The following ANKFN1 variants were observed in gnomAD, a reference collection of about 807,000 sequenced individuals.
The protein encoded by ANKFN1 is ankyrin repeat and fibronectin type-III domain-containing protein 1.
Under a neutral mutation model 108.7 loss-of-function variants are expected in ANKFN1, and 74 were observed. The observed-to-expected ratio is 0.68, with a 90% CI of 0.56 to 0.83. The LOEUF (loss-of-function observed/expected upper bound fraction) is 0.83, where lower values mean the gene tolerates loss of function less well. ANKFN1 is among the 40% of genes least tolerant of loss of function. ANKFN1 has a pLI of 0.00. For missense variants in ANKFN1, 1,505 were observed against 1,382.3 expected (o/e 1.09, Z -1.41); for synonymous variants, 547 against 516.2 (o/e 1.06, Z -0.81).
intron 1 of ANKFN1, among the ~76,000 whole-genome samples, chr17:56,207,586 T>C (rs997868798): frequency 4.6e-5 from 7 of 152,212 alleles, no homozygotes; most frequent in African/African-American, 1.7e-4. Flanking sequence ...TCATTCCTAT[T>C]GCAGTGGCAA....
intron 8 of ANKFN1, among the ~76,000 whole-genome samples, chr17:56,384,703 T>G (rs1598498457): frequency 6.6e-6 from 1 of 152,202 alleles, no homozygotes; most frequent in South Asian, 2.1e-4. Flanking sequence ...AAATCATGAG[T>G]GAACTCCCAT....
At chr17:56,384,068 A>G (rs1457152832) in intron 8 of ANKFN1, among the ~76,000 whole-genome samples, 6 of 152,062 alleles carry the variant, frequency 3.9e-5, no homozygotes, top group African/African-American at 1.4e-4. Flanking sequence ...ACATTGATGC[A>G]AAAATCCTCA....
At chr17:56,293,294 A>G (rs1044962475) in intron 3 of ANKFN1, among the ~76,000 whole-genome samples, 1 of 152,182 alleles carries the variant, frequency 6.6e-6, no homozygotes, top group African/African-American at 2.4e-5. Context: ...AAACATATTT[A>G]TCCTAATCTT....
At chr17:56,190,368 C>T (rs1382946853) in intron 1 of ANKFN1, among the ~76,000 whole-genome samples, 1 of 112,014 alleles carries the variant, frequency 8.9e-6, no homozygotes, top group Non-Finnish European at 1.8e-5. Context: ...AAATTTCCCT[C>T]TACACACTGC....
chr17:56,377,803 G>A (rs1052418242), intron 8 of ANKFN1, among the ~76,000 whole-genome samples: 3 of 152,178 alleles, frequency 2.0e-5, no homozygotes, highest in African/African-American at 7.2e-5. Flanking sequence ...AAGAGGTGCA[G>A]TACAAAACCT....
chr17:56,481,687 T>G (rs1195379419), intron 17 of ANKFN1, among the ~76,000 whole-genome samples: 1 of 152,188 alleles, frequency 6.6e-6, no homozygotes, highest in African/African-American at 2.4e-5. Flanking sequence ...CTTTCGATTT[T>G]AAGTCTAAAA....
At chr17:56,132,118 T>A (rs1598121573) in intron 4 of ANKFN1, among the ~76,000 whole-genome samples, 1 of 152,234 alleles carries the variant, frequency 6.6e-6, no homozygotes, top group African/African-American at 2.4e-5. Flanking sequence ...AATTTGAATC[T>A]TCTGAGCTAC....
rs1001600071 is a variant in ANKFN1 at position 56,296,719 on chromosome 17, A to G, written c.54-29502A>G. On this transcript the variant is annotated intron_variant, in intron 3 of 20. Transcript: ENST00000682825. ...CAAACAAACAACAACAACAACAACA[A>G]CAAAACGGCTGTGAAGCGCATGAGC... 3.9e-5 allele frequency among the ~76,000 whole-genome samples: 6 copies of G among 151,978 alleles called. No homozygotes were observed. The East Asian group carries it at 1.2e-3, about 30-fold the overall frequency.
intron 8 of ANKFN1, among the ~76,000 whole-genome samples, chr17:56,413,057 T>C (rs2048142147): frequency 6.6e-6 from 1 of 152,220 alleles, no homozygotes; most frequent in African/African-American, 2.4e-5. Flanking sequence ...CTCCTTCTGC[T>C]AAGTTTGAGC....
rs143853635 is a variant in ANKFN1 at position 56,102,460 on chromosome 17, A to G, written c.288+56135A>G. 7.7e-4 allele frequency among the ~76,000 whole-genome samples: 118 copies of G among 152,318 alleles called. 1 individual carries two copies. The highest frequency in any genetic ancestry group is 2.4e-3 in the African/African-American group (100 of 41,570). On this transcript the variant is annotated intron_variant, in intron 4 of 12. Coordinates refer to the ANKFN1 transcript ENST00000635860. Reference sequence around the variant, plus strand: ...TTACATTTTACAGCAATATTACATAAATGGTTAAATGGTTAAATTCTTGAA... The same window carrying G: ...TTACATTTTACAGCAATATTACATAGATGGTTAAATGGTTAAATTCTTGAA...
At chr17:56,372,438 A>G (rs945803500) in intron 6 of ANKFN1, among the ~76,000 whole-genome samples, 1 of 152,126 alleles carries the variant, frequency 6.6e-6, no homozygotes, top group African/African-American at 2.4e-5. Context: ...GAATATATTA[A>G]TGTGATGAAT....
At chr17:56,349,247 G>A (rs955038511) in intron 4 of ANKFN1, among the ~76,000 whole-genome samples, 8 of 152,138 alleles carry the variant, frequency 5.3e-5, no homozygotes, top group Non-Finnish European at 7.4e-5. Context: ...GCTGGGAAGA[G>A]GGAGAGCATC....
At chr17:56,489,723 C>A (rs866447718) in intron 18 of ANKFN1, among the ~76,000 whole-genome samples, 1 of 151,842 alleles carries the variant, frequency 6.6e-6, no homozygotes, top group African/African-American at 2.4e-5. Context: ...GGAAAAAAAA[C>A]AATTTTTTTT....
At chr17:56,153,652 C>G in intron 1 of ANKFN1, 122 bp downstream of exon 1, 1 of 1,325,724 alleles carries the variant, frequency 7.5e-7, no homozygotes, top group Non-Finnish European at 1.1e-6. Context: ...TGGTGAGCAT[C>G]CATGGTCAGG....
At chr17:56,238,203 G>A (rs986060667) in intron 3 of ANKFN1, among the ~76,000 whole-genome samples, 4 of 152,036 alleles carry the variant, frequency 2.6e-5, no homozygotes, top group African/African-American at 7.2e-5. Flanking sequence ...TTGTGTGGTC[G>A]ATTTTAAAGT....
At chr17:56,166,134 ATCAGGTGG>A (rs776909203) in intron 1 of ANKFN1, among the ~76,000 whole-genome samples, 5 of 152,202 alleles carry the variant, frequency 3.3e-5, no homozygotes, top group African/African-American at 4.8e-5. Flanking sequence ...AAAAAAAGTA[ATCAGGTGG>A]TCTTTGTTCT....
intron 11 of ANKFN1, among the ~76,000 whole-genome samples, chr17:56,449,975 G>C (rs1319849829): frequency 6.6e-6 from 1 of 152,192 alleles, no homozygotes; most frequent in Non-Finnish European, 1.5e-5. Flanking sequence ...TGTTCAATTG[G>C]GACAGGGTCA....
chr17:56,213,318 G>A (rs888088165), intron 2 of ANKFN1, among the ~76,000 whole-genome samples: 2 of 152,084 alleles, frequency 1.3e-5, no homozygotes, highest in South Asian at 2.1e-4. Context: ...CAGGAACCCC[G>A]GTCTCTGTGC....
chr17:56,435,117 C>G (rs1417102889), intron 8 of ANKFN1, among the ~76,000 whole-genome samples: 1 of 152,144 alleles, frequency 6.6e-6, no homozygotes, highest in Non-Finnish European at 1.5e-5. Flanking sequence ...GAAGTAACTG[C>G]CATTCTCCTT....
Sources: gnomAD v4.1 joint callset for allele counts (sites outside exome capture counted in the v4.1 genomes callset) on GRCh38, gnomAD v4.1.1 for gene constraint, MANE v1.5 for transcripts, NCBI Gene and HGNC (gene_info 2026-07-23, HGNC 2026-07-21) for gene names.